Variants in DCDC2 observed in about 807,000 individuals in gnomAD.
DCDC2 encodes the protein doublecortin domain containing 2.
DCDC2 carries 40 observed loss-of-function variants against 50.2 expected under a neutral mutation model. The ratio of observed to expected loss-of-function variants is 0.80; its 90% CI spans 0.62 to 1.04. DCDC2 has a LOEUF of 1.04. Ranked by LOEUF, DCDC2 falls within the 50% of genes least tolerant of loss-of-function variation. The pLI, the probability that DCDC2 is intolerant of heterozygous loss-of-function variation, is 0.00. For synonymous variants in DCDC2, 234 were observed against 210.6 expected (o/e 1.11, Z -0.96); for missense variants, 570 against 581.9 (o/e 0.98, Z 0.21).
chr6:24,290,204 G>A (rs1044381327), intron 5 of DCDC2, among the ~76,000 whole-genome samples: 7 of 150,674 alleles, frequency 4.6e-5, no homozygotes. Flanking sequence ...CGTTTTAGCC[G>A]GGATGGTCTC....
intron 7 of DCDC2, among the ~76,000 whole-genome samples, chr6:24,275,739 T>C (rs1157771890): frequency 6.6e-6 from 1 of 152,184 alleles, no homozygotes; most frequent in Non-Finnish European, 1.5e-5. Flanking sequence ...GGAAGGCTTA[T>C]ACCTTTTCTT....
intron 7 of DCDC2, among the ~76,000 whole-genome samples, chr6:24,230,319 A>T (rs1028907940): frequency 6.6e-6 from 1 of 151,886 alleles, no homozygotes; most frequent in African/African-American, 2.4e-5. Flanking sequence ...TTCTCAATAC[A>T]GTAGTAATTG....
chr6:24,294,369 G>T (rs1763816717), intron 4 of DCDC2, among the ~76,000 whole-genome samples: 1 of 151,708 alleles, frequency 6.6e-6, no homozygotes, highest in African/African-American at 2.4e-5. Context: ...AAAAAAGTTA[G>T]AAAGATCTCA....
rs953735295 is a variant in DCDC2 at position 24,178,505 on chromosome 6, G to C, written c.1151C>G (p.Ala384Gly). 4 of 1,614,026 alleles carry C rather than the reference G, an allele frequency of 2.5e-6. No homozygotes were observed. The African/African-American group carries it at 4.0e-5, about 16-fold the overall frequency. ...EEEGGREATD[A>G]PEQVEEILDH... ...CAGAATCTCCTCGACTTGCTCAGGG[G>C]CATCTGTAGCCTCCCTACCTCCTTC... The change falls in exon 9 of 10, where the codon GCC (alanine) becomes GGC (glycine). Residue 384 changes from alanine (A) to glycine (G), a missense_variant. Coordinates refer to ENST00000378454, the MANE Select transcript of DCDC2 (RefSeq NM_016356.5).
At chr6:24,382,276 T>A in the DCDC2 span, among the ~76,000 whole-genome samples, 1 of 152,114 alleles carries the variant, frequency 6.6e-6, no homozygotes, top group Admixed American at 6.6e-5. Flanking sequence ...ACCTCAGGAA[T>A]GATATCAGGT....
At chr6:24,204,924 T>A (rs1033530448) in intron 8 of DCDC2, 78 bp downstream of exon 8, 40 of 1,359,926 alleles carry the variant, frequency 2.9e-5, no homozygotes, top group Non-Finnish European at 4.1e-5. Flanking sequence ...ATAGGAACAA[T>A]TTGTAGGAGA....
At chr6:24,272,761 G>C (rs538897329) in intron 7 of DCDC2, among the ~76,000 whole-genome samples, 1 of 152,110 alleles carries the variant, frequency 6.6e-6, no homozygotes, top group African/African-American at 2.4e-5. Flanking sequence ...AATACACTGT[G>C]GGTGGGAATG....
At chr6:24,186,613 G>C (rs991908402) in intron 8 of DCDC2, among the ~76,000 whole-genome samples, 2 of 152,216 alleles carry the variant, frequency 1.3e-5, no homozygotes, top group South Asian at 2.1e-4. Context: ...TGGATAATGA[G>C]GCAGAGGGGC....
intron 2 of DCDC2, among the ~76,000 whole-genome samples, chr6:24,306,408 G>A (rs1306726193): frequency 6.6e-6 from 1 of 151,994 alleles, no homozygotes; most frequent in Non-Finnish European, 1.5e-5. Flanking sequence ...TGAGAAGTAG[G>A]TTAGCCGAGT....
chr6:24,185,873 T>A (rs1761193069), intron 8 of DCDC2, among the ~76,000 whole-genome samples: 1 of 152,148 alleles, frequency 6.6e-6, no homozygotes, highest in African/African-American at 2.4e-5. Flanking sequence ...TCCCCTTCAC[T>A]CCTCTCTCAC....
At chr6:24,314,418 A>G (rs1214810020) in intron 2 of DCDC2, among the ~76,000 whole-genome samples, 3 of 152,146 alleles carry the variant, frequency 2.0e-5, no homozygotes, top group African/African-American at 7.2e-5. Context: ...GGTTGAAATG[A>G]GCTATGATCA....
intron 7 of DCDC2, among the ~76,000 whole-genome samples, chr6:24,226,947 A>G (rs1762244813): frequency 6.6e-6 from 1 of 152,244 alleles, no homozygotes; most frequent in Non-Finnish European, 1.5e-5. Flanking sequence ...GGAGGCAGCC[A>G]GGATGTCAGA....
At chr6:24,225,970 G>A (rs1318651721) in intron 7 of DCDC2, among the ~76,000 whole-genome samples, 3 of 152,088 alleles carry the variant, frequency 2.0e-5, no homozygotes, top group Non-Finnish European at 4.4e-5. Flanking sequence ...TAATATTTTA[G>A]CCTACAAGTC....
chr6:24,369,331 G>A, the DCDC2 span, among the ~76,000 whole-genome samples: 5 of 152,038 alleles, frequency 3.3e-5, no homozygotes, highest in East Asian at 1.9e-4. Context: ...TTCTGAGCCC[G>A]GGCTCAGTGG....
At chr6:24,320,179 T>C (rs935792315) in intron 2 of DCDC2, among the ~76,000 whole-genome samples, 1 of 152,184 alleles carries the variant, frequency 6.6e-6, no homozygotes, top group Non-Finnish European at 1.5e-5. Context: ...AATACATAAA[T>C]GTAATGTGGA....
intron 8 of DCDC2, among the ~76,000 whole-genome samples, chr6:24,180,061 G>A (rs1017516588): frequency 6.6e-6 from 1 of 151,842 alleles, no homozygotes; most frequent in South Asian, 2.1e-4. Context: ...GGCACTTACT[G>A]GCTGTTACCT....
chr6:24,207,248 A>T (rs1468625099), intron 7 of DCDC2, among the ~76,000 whole-genome samples: 1 of 102,080 alleles, frequency 9.8e-6, no homozygotes, highest in Non-Finnish European at 2.1e-5. Flanking sequence ...CCCTCACTCC[A>T]TCTATCTTTC....
At chr6:24,210,066 G>C in intron 7 of DCDC2, among the ~76,000 whole-genome samples, 1 of 150,978 alleles carries the variant, frequency 6.6e-6, no homozygotes, top group Middle Eastern at 3.4e-3. Flanking sequence ...CTGTCTGTCT[G>C]TCTGTCTGCC....
At position 24,175,877 on chromosome 6, in the gene DCDC2, G is replaced by A. The variant is rs181745699; in HGVS notation, c.1327-1043C>T. Among the ~76,000 whole-genome samples, 905 of 151,860 alleles carry A rather than the reference G, an allele frequency of 6.0e-3. 12 individuals carry two copies. Among genetic ancestry groups the A allele is most frequent in the African/African-American group, 0.02 (829 of 41,414 alleles). On this transcript the variant is annotated intron_variant, in intron 9 of 9. Coordinates refer to ENST00000378454, the MANE Select transcript of DCDC2 (RefSeq NM_016356.5). Reference sequence around the variant, plus strand: ...ATAAATTTGGTTTCTCATATATTTCGGTATGCTTAAAATATACCTATACTA... The same window carrying A: ...ATAAATTTGGTTTCTCATATATTTCAGTATGCTTAAAATATACCTATACTA...
Sources: gnomAD v4.1 joint callset for allele counts (sites outside exome capture counted in the v4.1 genomes callset) on GRCh38, gnomAD v4.1.1 for gene constraint, MANE v1.5 for transcripts, NCBI Gene and HGNC (gene_info 2026-07-23, HGNC 2026-07-21) for gene names.